Variants in PFKFB3 observed in about 807,000 individuals in gnomAD.
PFKFB3 encodes the protein 6-phosphofructo-2-kinase/fructose-2,6-biphosphatase 3, also known as 6-phosphofructo-2-kinase/fructose-2,6-bisphosphatase 3.
PFKFB3 carries 33 observed loss-of-function variants against 68.0 expected under a neutral mutation model. The observed-to-expected ratio is 0.49, with a 90% CI of 0.37 to 0.65. The LOEUF (loss-of-function observed/expected upper bound fraction) is 0.65, where lower values mean the gene tolerates loss of function less well. PFKFB3 is among the 30% of genes least tolerant of loss of function. PFKFB3 has a pLI of 0.00. For missense variants in PFKFB3, 586 were observed against 712.2 expected, an observed-to-expected ratio of 0.82 and a Z score of 2.02; for synonymous variants, 315 against 288.2, an observed-to-expected ratio of 1.09 and a Z score of -0.94.
intron 14 of PFKFB3, chr10:6,231,193 CT>C: frequency 1.8e-6 from 2 of 1,097,156 alleles, no homozygotes; most frequent in Non-Finnish European, 2.8e-6. Flanking sequence ...CTAGAAAATC[CT>C]ACTAAAGATT....
At chr10:6,302,767 C>CAA in the PFKFB3 span, among the ~76,000 whole-genome samples, 1 of 144,038 alleles carries the variant, frequency 6.9e-6, no homozygotes, top group Non-Finnish European at 1.6e-5. Flanking sequence ...CACACACACA[C>CAA]ACACACACAC....
At chr10:6,161,449 TA>T (rs1179715269) in intron 1 of PFKFB3, among the ~76,000 whole-genome samples, 1 of 152,172 alleles carries the variant, frequency 6.6e-6, no homozygotes, top group African/African-American at 2.4e-5. Flanking sequence ...AAAGTGTGAA[TA>T]AAATATCCTG....
chr10:6,313,414 C>T, the PFKFB3 span, among the ~76,000 whole-genome samples: 2 of 152,144 alleles, frequency 1.3e-5, no homozygotes, highest in Admixed American at 6.5e-5. The surrounding 1 kb of genome is among the most constrained non-coding windows in gnomAD (Gnocchi z 4.2). Flanking sequence ...CCCCAGGTGC[C>T]GAACACGCTG....
chr10:6,167,243 G>C (rs148147284), intron 1 of PFKFB3, among the ~76,000 whole-genome samples: 2 of 152,338 alleles, frequency 1.3e-5, no homozygotes, highest in Non-Finnish European at 2.9e-5. Context: ...TTTTACCTGA[G>C]TACGTTTCAG....
intron 4 of PFKFB3, 130 bp downstream of exon 4, chr10:6,216,321 C>G: frequency 1.1e-6 from 1 of 899,300 alleles, no homozygotes. Flanking sequence ...CAGGGCAGCC[C>G]AATGGCTCAG....
intron 1 of PFKFB3, among the ~76,000 whole-genome samples, chr10:6,178,626 T>A (rs1470250901): frequency 2.6e-5 from 4 of 152,122 alleles, no homozygotes; most frequent in Non-Finnish European, 4.4e-5. Flanking sequence ...GTGCCTGCCC[T>A]GGGCCGTGGA....
In PFKFB3 at chr10:6,228,629, CT is replaced by C; in HGVS notation, c.1515+2267del. ...AGCCCCCTCCTGCCCCAGGAGTGTC[CT>C]TTGTTTTGGAAGGAAAACTTACTCA... is the stretch of plus-strand genomic sequence containing the variant. On this transcript the variant is annotated intron_variant, in intron 14 of 14. Coordinates refer to ENST00000379775, the MANE Select transcript of PFKFB3 (RefSeq NM_004566.4). The surrounding 1 kb of genome is among the most constrained non-coding windows in gnomAD (Gnocchi z 4.5). 6.6e-6 allele frequency among the ~76,000 whole-genome samples: 1 copy of C among 152,142 alleles called. No individual in the cohort carries two copies. The highest frequency in any genetic ancestry group is 1.5e-5 in the Non-Finnish European group (1 of 68,040).
the PFKFB3 span, among the ~76,000 whole-genome samples, chr10:6,271,771 G>A: frequency 6.6e-6 from 1 of 152,242 alleles, no homozygotes; most frequent in Non-Finnish European, 1.5e-5. Flanking sequence ...TCTCCCGTGG[G>A]TGGAGGGTGG....
Position 6,222,956 on chromosome 10 carries a change from G to A in PFKFB3, c.1185G>A (p.Leu395=). The part of the protein sequence containing the change: ...VICHQAVLRC[L]LAYFLDKSAE... Reference sequence around the variant, plus strand: ...GCCACCAGGCCGTCCTGCGCTGCCTGCTTGCCTACTTCCTGGATAAGAGTG... The same window carrying A: ...GCCACCAGGCCGTCCTGCGCTGCCTACTTGCCTACTTCCTGGATAAGAGTG... Residue 395 remains leucine (L), a synonymous_variant, in exon 11 of 15, where the codon CTG becomes CTA. Transcript: ENST00000379775. 3 of 1,613,700 alleles carry A rather than the reference G, an allele frequency of 1.9e-6. No homozygotes were observed. The highest frequency in any genetic ancestry group is 2.5e-6 in the Non-Finnish European group (3 of 1,179,780).
intron 1 of PFKFB3, among the ~76,000 whole-genome samples, chr10:6,147,654 G>A (rs78419161): frequency 0.1 from 15,794 of 152,270 alleles, 966 homozygotes; most frequent in East Asian, 0.24. Flanking sequence ...TGGAGGGGGC[G>A]GGCAGTGTGT....
At chr10:6,177,404 C>CTTTCTTTCT (rs1564599668) in intron 1 of PFKFB3, among the ~76,000 whole-genome samples, 1 of 135,786 alleles carries the variant, frequency 7.4e-6, no homozygotes, top group East Asian at 2.3e-4. Flanking sequence ...TTCTTTCTTT[C>CTTTCTTTCT]TTTCTTCTTT....
At chr10:6,324,435 GT>G in the PFKFB3 span, among the ~76,000 whole-genome samples, 1 of 152,112 alleles carries the variant, frequency 6.6e-6, no homozygotes, top group Non-Finnish European at 1.5e-5. Context: ...AATGTGTTTT[GT>G]TTTGTTTTGA....
the PFKFB3 span, among the ~76,000 whole-genome samples, chr10:6,278,518 GC>G: frequency 6.6e-6 from 1 of 151,950 alleles, no homozygotes; most frequent in African/African-American, 2.4e-5. Context: ...CTCATGATCT[GC>G]CCACCTCGGC....
chr10:6,262,336 C>T, the PFKFB3 span, among the ~76,000 whole-genome samples: 1 of 139,384 alleles, frequency 7.2e-6, no homozygotes, highest in South Asian at 2.4e-4. Context: ...TGCCTGTAGT[C>T]CCAGCTGCTC....
the PFKFB3 span, among the ~76,000 whole-genome samples, chr10:6,309,617 A>T: frequency 1.3e-5 from 2 of 152,100 alleles, no homozygotes; most frequent in African/African-American, 4.8e-5. Context: ...GCAAGACTCC[A>T]TCCCCGCCCC....
chr10:6,229,186 G>A lies in PFKFB3; in HGVS notation c.1515+2821G>A, dbSNP rs780199891. 1 of 478,742 alleles carries A rather than the reference G, an allele frequency of 2.1e-6. No homozygotes were observed. Among genetic ancestry groups the A allele is most frequent in the Non-Finnish European group, 4.4e-6 (1 of 229,222 alleles). The allele number at this position is 478,742 out of a possible 1,614,324, so 29.7% of individuals were successfully genotyped here. ...TGGCTTTGGAAATGGGAGAGGTTTG[G>A]CATGGCGCTCAGATTTTGGTGGCAA... On this transcript the variant is annotated intron_variant, in intron 14 of 14. Transcript: ENST00000379775. The surrounding 1 kb of genome is among the most constrained non-coding windows in gnomAD (Gnocchi z 4.3).
chr10:6,233,079 A>G lies in PFKFB3; in HGVS notation c.*137A>G. On this transcript the variant is annotated 3_prime_UTR_variant, in exon 15 of 15. Coordinates refer to ENST00000379775, the MANE Select transcript of PFKFB3 (RefSeq NM_004566.4). ...AGCAGCGGGGGAGCCTTGGCCGAAGAGAACCATGCTTGGCACCGTCTGTGT... is the reference window on the plus strand; with the variant it reads ...AGCAGCGGGGGAGCCTTGGCCGAAGGGAACCATGCTTGGCACCGTCTGTGT... 1.4e-6 allele frequency: 1 copy of G among 718,878 alleles called. No homozygotes were observed. The highest frequency in any genetic ancestry group is 2.6e-5 in the East Asian group (1 of 38,384). 44.5% of individuals were successfully genotyped at this position (718,878 alleles called of 1,614,324 possible). A position where few individuals can be genotyped will look rare whatever the true frequency, so the allele number is the denominator to read the frequency against.
chr10:6,157,418 G>T (rs1841839440), intron 1 of PFKFB3, among the ~76,000 whole-genome samples: 1 of 152,068 alleles, frequency 6.6e-6, no homozygotes, highest in South Asian at 2.1e-4. Flanking sequence ...AGTAGAGGCG[G>T]GGTTTCACCG....
chr10:6,151,412 T>C (rs1200351008), intron 1 of PFKFB3, among the ~76,000 whole-genome samples: 1 of 152,156 alleles, frequency 6.6e-6, no homozygotes, highest in Non-Finnish European at 1.5e-5. Flanking sequence ...TGTCAGAAAG[T>C]GAGGTCCTGT....
Sources: allele counts gnomAD v4.1 joint callset (sites outside exome capture counted in the v4.1 genomes callset), GRCh38; gene constraint gnomAD v4.1.1; non-coding constraint Gnocchi (gnomAD v3.1); transcripts MANE v1.5; gene names NCBI Gene and HGNC (gene_info 2026-07-23, HGNC 2026-07-21).